RPH3A: variants seen among roughly 807,000 people sequenced by gnomAD.
The protein encoded by RPH3A is rabphilin 3A, also known as rabphilin-3A.
In RPH3A, 48 loss-of-function variants were observed where a neutral mutation model predicts 102.2. The ratio of observed to expected loss-of-function variants is 0.47; its 90% CI spans 0.37 to 0.60. The LOEUF is 0.60. Among genes scored for constraint, RPH3A ranks in the 20% least tolerant of loss-of-function variants. The pLI is 0.00. For synonymous variants in RPH3A, 310 were observed against 324.3 expected (o/e 0.96, Z 0.47); for missense variants, 781 against 910.1 (o/e 0.86, Z 1.83).
chr12:112,746,425 A>G (rs535017310), intron 1 of RPH3A, among the ~76,000 whole-genome samples: 6 of 152,130 alleles, frequency 3.9e-5, no homozygotes, highest in African/African-American at 1.4e-4. Context: ...AGACCTCCAA[A>G]TACCCACCCT....
At chr12:112,663,265 A>G (rs2040062387) in intron 1 of RPH3A, among the ~76,000 whole-genome samples, 1 of 152,102 alleles carries the variant, frequency 6.6e-6, no homozygotes, top group Admixed American at 6.6e-5. Flanking sequence ...GTTGGAGTAC[A>G]GTGGAGCAAT....
intron 1 of RPH3A, among the ~76,000 whole-genome samples, chr12:112,611,378 A>C (rs1180695369): frequency 1.3e-5 from 2 of 152,184 alleles, no homozygotes; most frequent in African/African-American, 2.4e-5. Flanking sequence ...GGAAAGGTGC[A>C]AGAATTTTGC....
chr12:112,874,759 G>C, intron 10 of RPH3A: 1 of 283,632 alleles, frequency 3.5e-6, no homozygotes, highest in Non-Finnish European at 6.6e-6. Context: ...AACTCTATCA[G>C]CTAAGTGATT....
At chr12:112,859,577 G>T (rs1322759606) in intron 5 of RPH3A, among the ~76,000 whole-genome samples, 2 of 152,140 alleles carry the variant, frequency 1.3e-5, no homozygotes, top group Non-Finnish European at 2.9e-5. Context: ...AGATATTCAG[G>T]TGAGCATGTT....
intron 1 of RPH3A, among the ~76,000 whole-genome samples, chr12:112,769,886 G>GA (rs1364021973): frequency 6.6e-6 from 1 of 152,080 alleles, no homozygotes; most frequent in Non-Finnish European, 1.5e-5. Context: ...ACAACTCCCT[G>GA]GTGTCCCTGA....
chr12:112,793,187 A>C lies in RPH3A; in HGVS notation c.-19+924A>C, dbSNP rs367758742. On this transcript the variant is annotated intron_variant, in intron 2 of 21. Coordinates refer to ENST00000389385, the MANE Select transcript of RPH3A (RefSeq NM_001143854.2). ...TGAGTGGGAAGTGGAAGTACCTTGA[A>C]ATTGAATCCAAAAGCTCACATTTAA... Among the ~76,000 whole-genome samples the C allele has an allele frequency of 6.4e-4, 97 of 152,332 alleles. 1 individual carries two copies. Among genetic ancestry groups the C allele is most frequent in the Middle Eastern group, 3.4e-3 (1 of 294 alleles).
At chr12:112,836,531 A>G in intron 4 of RPH3A, 29 bp downstream of exon 4, 1 of 1,175,904 alleles carries the variant, frequency 8.5e-7, no homozygotes, top group Non-Finnish European at 1.2e-6. Flanking sequence ...TTATTTATTT[A>G]TTTTTTACAA....
chr12:112,808,280 G>A lies in RPH3A; in HGVS notation c.-19+16017G>A, dbSNP rs1462406658. Among the ~76,000 whole-genome samples the A allele has an allele frequency of 2.0e-5, 3 of 152,340 alleles. No homozygotes were observed. In the South Asian group the frequency reaches 6.2e-4, roughly 32 times the overall value. ...GAAGGTCTTTTATGAAACCAGCTCTGCAGCCTGATCTTTCTAACCTGATTA... is the reference window on the plus strand; with the variant it reads ...GAAGGTCTTTTATGAAACCAGCTCTACAGCCTGATCTTTCTAACCTGATTA... On this transcript the variant is annotated intron_variant, in intron 2 of 21. Transcript: ENST00000389385.
At chr12:112,716,242 T>C (rs2040512564) in intron 1 of RPH3A, among the ~76,000 whole-genome samples, 1 of 152,172 alleles carries the variant, frequency 6.6e-6, no homozygotes, top group African/African-American at 2.4e-5. Flanking sequence ...CCTAACCTCC[T>C]GGGAATGCAG....
intron 4 of RPH3A, among the ~76,000 whole-genome samples, chr12:112,846,299 A>G (rs180686466): frequency 8.5e-5 from 13 of 152,338 alleles, no homozygotes; most frequent in Admixed American, 7.8e-4. Context: ...AGTTCTGAGC[A>G]AGGGGTTTGA....
rs1038980172 is a variant in RPH3A at position 112,897,391 on chromosome 12, G to C, written c.*611G>C. 6.6e-6 allele frequency: 1 copy of C among 152,306 alleles called. No homozygotes were observed. The highest frequency in any genetic ancestry group is 1.5e-5 in the Non-Finnish European group (1 of 68,196). 9.4% of individuals were successfully genotyped at this position (152,306 alleles called of 1,614,324 possible). On this transcript the variant is annotated 3_prime_UTR_variant, in exon 22 of 22. Coordinates refer to ENST00000389385, the MANE Select transcript of RPH3A (RefSeq NM_001143854.2). ...GATGCAAATGCACAGAATTCACCAG[G>C]GGCTTGGACGCTCTCCTCTTTCCGA...
At chr12:112,868,772 G>A (rs2042655995) in intron 8 of RPH3A, 177 bp downstream of exon 8, 2 of 645,224 alleles carry the variant, frequency 3.1e-6, no homozygotes, top group Admixed American at 6.1e-5. Context: ...TCGTTACCAA[G>A]AGGGTAGCAC....
intron 1 of RPH3A, among the ~76,000 whole-genome samples, chr12:112,685,326 A>G (rs968394830): frequency 6.6e-6 from 1 of 152,138 alleles, no homozygotes; most frequent in Non-Finnish European, 1.5e-5. Flanking sequence ...ATTTTTTAAT[A>G]CTAATACATT....
At chr12:112,896,385 G>C (rs891917990) in intron 21 of RPH3A, among the ~76,000 whole-genome samples, 2 of 152,132 alleles carry the variant, frequency 1.3e-5, no homozygotes, top group Admixed American at 6.5e-5. Flanking sequence ...TGAGTAGAAT[G>C]GTGATTTGTA....
chr12:112,896,504 G>A (rs2043181051), intron 21 of RPH3A, 146 bp from the exon 22 acceptor site: 1 of 870,906 alleles, frequency 1.1e-6, no homozygotes, highest in Middle Eastern at 3.5e-4. Flanking sequence ...AACAACAGCA[G>A]CAACGTTATA....
intron 1 of RPH3A, among the ~76,000 whole-genome samples, chr12:112,602,384 A>T (rs1419265851): frequency 6.6e-6 from 1 of 152,170 alleles, no homozygotes; most frequent in Non-Finnish European, 1.5e-5. Context: ...TTTGCATGTT[A>T]AAGGAGTACC....
At chr12:112,725,708 G>T (rs2040583858) in intron 1 of RPH3A, among the ~76,000 whole-genome samples, 1 of 152,172 alleles carries the variant, frequency 6.6e-6, no homozygotes, top group Non-Finnish European at 1.5e-5. Flanking sequence ...TACCTGCCAT[G>T]TGATGACTTT....
At chr12:112,727,361 G>A (rs1450266103) in intron 1 of RPH3A, among the ~76,000 whole-genome samples, 2 of 144,826 alleles carry the variant, frequency 1.4e-5, no homozygotes, top group Non-Finnish European at 1.5e-5. Context: ...ACTGCCCTCC[G>A]GCCTGGGCGA....
Position 112,879,133 on chromosome 12 carries a change from C to G in RPH3A, c.1186C>G (p.Leu396Val), listed in dbSNP as rs148026901. Residue 396 changes from leucine (L) to valine (V), a missense_variant, in exon 14 of 22, where the codon CTG becomes GTG. By Grantham distance (32) the Leu-to-Val change is conservative. Transcript: ENST00000389385. ...DSDEATTLGALEFSLLYDQDN... is the reference protein window; with the variant it reads ...DSDEATTLGAVEFSLLYDQDN... ...GCCCCCTTCAGCCACCCTGGGTGCC[C>G]TGGAATTCAGCCTTCTCTACGACCA... is the stretch of plus-strand genomic sequence containing the variant. The G allele has an allele frequency of 3.7e-6, 6 of 1,613,866 alleles. No individual in the cohort carries two copies. In the African/African-American group the frequency reaches 8.0e-5, roughly 22 times the overall value.
Sources: gnomAD v4.1 joint callset for allele counts (sites outside exome capture counted in the v4.1 genomes callset) on GRCh38, gnomAD v4.1.1 for gene constraint, MANE v1.5 for transcripts, NCBI Gene and HGNC (gene_info 2026-07-23, HGNC 2026-07-21) for gene names.